SPMIP2: variants seen among roughly 807,000 people sequenced by gnomAD.
SPMIP2 encodes protein SPMIP2.
chr4:158,991,565 C>CTAA, the SPMIP2 span, among the ~76,000 whole-genome samples: 1 of 152,198 alleles, frequency 6.6e-6, no homozygotes, highest in Non-Finnish European at 1.5e-5. Flanking sequence ...TCACAGCTTC[C>CTAA]TAATCACCAT....
chr4:159,031,489 C>G, the SPMIP2 span, among the ~76,000 whole-genome samples: 5 of 152,112 alleles, frequency 3.3e-5, no homozygotes, highest in East Asian at 9.6e-4. Flanking sequence ...TTAAAATAGA[C>G]AAAAAGAGAA....
the SPMIP2 span, among the ~76,000 whole-genome samples, chr4:158,967,752 G>A: frequency 2.6e-5 from 4 of 152,078 alleles, no homozygotes; most frequent in African/African-American, 7.2e-5. Flanking sequence ...GTATTTTGGT[G>A]GTCTACAGAC....
chr4:158,908,890 G>A, the SPMIP2 span, among the ~76,000 whole-genome samples: 1 of 152,076 alleles, frequency 6.6e-6, no homozygotes, highest in South Asian at 2.1e-4. Context: ...GTTTCACCAT[G>A]TTAGCCAGGC....
chr4:158,929,067 G>A, the SPMIP2 span, among the ~76,000 whole-genome samples: 5 of 152,166 alleles, frequency 3.3e-5, no homozygotes, highest in African/African-American at 4.8e-5. Context: ...CACCAATTCC[G>A]GACACAGTAT....
chr4:159,037,977 CTCTT>C, the SPMIP2 span, among the ~76,000 whole-genome samples: 2 of 152,044 alleles, frequency 1.3e-5, no homozygotes, highest in African/African-American at 2.4e-5. Flanking sequence ...CTCTCTCTCT[CTCTT>C]TCTCTCTCTC....
the SPMIP2 span, among the ~76,000 whole-genome samples, chr4:159,016,274 T>G: frequency 9.2e-5 from 14 of 152,232 alleles, no homozygotes; most frequent in African/African-American, 3.4e-4. Flanking sequence ...TGATCCATAT[T>G]AAAAACTTCA....
the SPMIP2 span, chr4:158,972,943 G>A: frequency 3.2e-6 from 2 of 634,336 alleles, no homozygotes; most frequent in Non-Finnish European, 5.4e-6. Context: ...TCACACATGT[G>A]TCTTTCTGCA....
At chr4:158,921,334 T>C in the SPMIP2 span, among the ~76,000 whole-genome samples, 3 of 152,118 alleles carry the variant, frequency 2.0e-5, no homozygotes, top group East Asian at 5.8e-4. Context: ...TCCAGCTACT[T>C]GGAAGGCTGA....
the SPMIP2 span, among the ~76,000 whole-genome samples, chr4:158,973,983 C>CAAAAAAAAAAA: frequency 1.5e-5 from 1 of 64,968 alleles, no homozygotes. Flanking sequence ...AAGGCCACCT[C>CAAAAAAAAAAA]AAAAAAAAAA....
chr4:158,952,494 A>T, the SPMIP2 span, among the ~76,000 whole-genome samples: 2 of 152,234 alleles, frequency 1.3e-5, no homozygotes, highest in Admixed American at 1.3e-4. Flanking sequence ...AGTCCAATTA[A>T]ACCTCTTTTT....
the SPMIP2 span, among the ~76,000 whole-genome samples, chr4:158,894,998 C>T: frequency 6.6e-6 from 1 of 152,146 alleles, no homozygotes; most frequent in African/African-American, 2.4e-5. Flanking sequence ...TTACCCTTGC[C>T]AAAGCCATCA....
At chr4:158,893,528 A>G in the SPMIP2 span, 2 of 562,732 alleles carry the variant, frequency 3.6e-6, no homozygotes, top group Non-Finnish European at 6.4e-6. Context: ...AAAGACTGAC[A>G]ACACCTTTTT....
At chr4:158,919,378 CCTTT>C in the SPMIP2 span, among the ~76,000 whole-genome samples, 1 of 152,200 alleles carries the variant, frequency 6.6e-6, no homozygotes, top group Non-Finnish European at 1.5e-5. Flanking sequence ...TCTCAGTCTT[CCTTT>C]GACTTTCACA....
the SPMIP2 span, among the ~76,000 whole-genome samples, chr4:158,924,379 G>A: frequency 1.3e-5 from 2 of 152,024 alleles, no homozygotes; most frequent in African/African-American, 4.8e-5. Context: ...GATGGTTTTT[G>A]TTTGTTTTTT....
the SPMIP2 span, among the ~76,000 whole-genome samples, chr4:159,037,145 T>G: frequency 6.6e-6 from 1 of 152,326 alleles, no homozygotes. Flanking sequence ...TGCGGGCTTC[T>G]GCTTTGCCTT....
chr4:159,040,748 A>T, the SPMIP2 span, among the ~76,000 whole-genome samples: 2 of 152,194 alleles, frequency 1.3e-5, no homozygotes, highest in Middle Eastern at 3.2e-3. Context: ...CACTGCACCC[A>T]GCCTAGTACC....
At chr4:159,036,230 G>A in the SPMIP2 span, among the ~76,000 whole-genome samples, 1 of 152,198 alleles carries the variant, frequency 6.6e-6, no homozygotes, top group Non-Finnish European at 1.5e-5. Flanking sequence ...ACTCTGGAAA[G>A]GCTTACAGTA....
the SPMIP2 span, among the ~76,000 whole-genome samples, chr4:158,968,601 G>A: frequency 0.33 from 50,074 of 151,978 alleles, 8,474 homozygotes; most frequent in South Asian, 0.44. Context: ...GATTTCACAC[G>A]GCCTGGGATG....
the SPMIP2 span, among the ~76,000 whole-genome samples, chr4:159,018,866 G>A: frequency 3.9e-5 from 6 of 152,102 alleles, no homozygotes; most frequent in East Asian, 1.9e-4. Context: ...TGTGGCAGGC[G>A]GATCACGAGG....
Sources: gnomAD v4.1 joint callset for allele counts (sites outside exome capture counted in the v4.1 genomes callset) on GRCh38, gnomAD v4.1.1 for gene constraint, MANE v1.5 for transcripts, NCBI Gene and HGNC (gene_info 2026-07-23, HGNC 2026-07-21) for gene names.